OPHN1: variants seen among roughly 807,000 people sequenced by gnomAD.
OPHN1 encodes oligophrenin-1.
Under a neutral mutation model 60.7 loss-of-function variants are expected in OPHN1, and 11 were observed. That is an observed-to-expected ratio of 0.18 (90% CI 0.11 to 0.30). The LOEUF is 0.30. Among genes scored for constraint, OPHN1 ranks in the 10% least tolerant of loss-of-function variants. The probability of loss-of-function intolerance (pLI) is 1.00; values close to 1 mark genes in which losing one functional copy is unlikely to be tolerated. For missense variants in OPHN1, 449 were observed against 611.0 expected, an observed-to-expected ratio of 0.73 and a Z score of 2.80; for synonymous variants, 226 against 222.6, an observed-to-expected ratio of 1.02 and a Z score of -0.14.
At chrX:68,344,102 A>G (rs1245014310) in intron 2 of OPHN1, among the ~76,000 whole-genome samples, 2 of 111,972 alleles carry the variant, frequency 1.8e-5, no homozygotes, top group African/African-American at 3.2e-5. Context: ...GAACTATCCA[A>G]AGGTGTTGTC....
At chrX:68,171,344 G>A (rs1210769925) in intron 15 of OPHN1, among the ~76,000 whole-genome samples, 1 of 111,606 alleles carries the variant, frequency 9.0e-6, no homozygotes, top group Non-Finnish European at 1.9e-5. Flanking sequence ...AAGAGAAAAT[G>A]AAAAGGTCAG....
At chrX:68,363,195 T>G (rs1362659642) in intron 2 of OPHN1, among the ~76,000 whole-genome samples, 2 of 110,417 alleles carry the variant, frequency 1.8e-5, no homozygotes, top group African/African-American at 6.6e-5. Flanking sequence ...TACAGTGAGC[T>G]GAGATCACAC....
At chrX:68,093,613 T>C (rs1255891945) in intron 19 of OPHN1, among the ~76,000 whole-genome samples, 1 of 111,614 alleles carries the variant, frequency 9.0e-6, no homozygotes, top group Middle Eastern at 4.2e-3. Context: ...TTTTTAACGT[T>C]ACCTATTCTA....
intron 2 of OPHN1, among the ~76,000 whole-genome samples, chrX:68,376,000 CT>C (rs773127960): frequency 5.4e-5 from 6 of 111,657 alleles, no homozygotes; most frequent in South Asian, 3.8e-4. Context: ...TAGCCTCCCC[CT>C]GATCTGCTCT....
At chrX:68,091,518 G>A (rs2077018145) in intron 19 of OPHN1, among the ~76,000 whole-genome samples, 1 of 111,367 alleles carries the variant, frequency 9.0e-6, no homozygotes, top group Non-Finnish European at 1.9e-5. Context: ...TGGAGCTGCA[G>A]AAATGCAAAC....
chrX:68,070,813 C>T, intron 20 of OPHN1: 1 of 1,171,400 alleles, frequency 8.5e-7, no homozygotes, highest in Non-Finnish European at 1.2e-6. Context: ...ATACTTCTTG[C>T]TGCTTTCAGG....
chrX:68,111,999 G>T, intron 17 of OPHN1, 40 bp from the exon 18 acceptor site: 1 of 976,648 alleles, frequency 1.0e-6, no homozygotes, highest in Non-Finnish European at 1.5e-6. Context: ...TTGGCTTTCT[G>T]GGCAACTGGA....
intron 15 of OPHN1, among the ~76,000 whole-genome samples, chrX:68,127,948 G>T (rs989551907): frequency 9.9e-5 from 11 of 110,768 alleles, no homozygotes; most frequent in African/African-American, 3.3e-4. Context: ...ATTTTAAAAA[G>T]AAACAAAAAC....
chrX:68,121,431 C>G (rs1005890139), intron 15 of OPHN1, among the ~76,000 whole-genome samples: 1 of 111,833 alleles, frequency 8.9e-6, no homozygotes, highest in African/African-American at 3.2e-5. Flanking sequence ...GAACTCCGTG[C>G]TACCCTGTCA....
intron 5 of OPHN1, among the ~76,000 whole-genome samples, chrX:68,239,963 C>T (rs755421703): frequency 5.5e-4 from 61 of 111,389 alleles, no homozygotes; most frequent in Non-Finnish European, 3.8e-5. Flanking sequence ...GCACCAGCCA[C>T]CATGTCTGGC....
intron 2 of OPHN1, among the ~76,000 whole-genome samples, chrX:68,323,629 C>T (rs1449851152): frequency 1.8e-5 from 2 of 111,625 alleles, no homozygotes; most frequent in African/African-American, 6.5e-5. Flanking sequence ...TAGAACAGTA[C>T]ACAGAACACA....
intron 21 of OPHN1, among the ~76,000 whole-genome samples, chrX:68,059,829 C>T (rs1451094136): frequency 9.0e-6 from 1 of 111,255 alleles, no homozygotes; most frequent in Non-Finnish European, 1.9e-5. Context: ...CCATGGTGTG[C>T]TCTTCACTTT....
At chrX:68,088,010 T>G (rs1398516399) in intron 19 of OPHN1, among the ~76,000 whole-genome samples, 1 of 111,855 alleles carries the variant, frequency 8.9e-6, no homozygotes, top group Non-Finnish European at 1.9e-5. Flanking sequence ...TAAGGCTGTC[T>G]TTGGTCTCAG....
At position 68,329,937 on chromosome X, in the gene OPHN1, C is replaced by T. The variant is rs748850591; in HGVS notation, c.155-30841G>A. ...CAAGTTATGCTTTATATTGAGAACA[C>T]ATATGTAAATGGATCATATATTCTT... On this transcript the variant is annotated intron_variant, in intron 2 of 24. Coordinates refer to ENST00000355520, the MANE Select transcript of OPHN1 (RefSeq NM_002547.3). Among the ~76,000 whole-genome samples, 5 of 111,877 alleles carry T rather than the reference C, an allele frequency of 4.5e-5. No individual in the cohort carries two copies. In the East Asian group the frequency reaches 1.4e-3, roughly 31 times the overall value.
At position 68,073,068 on chromosome X, in the gene OPHN1, T is replaced by C. The variant is rs943317542; in HGVS notation, c.1834+84A>G. On this transcript the variant is annotated intron_variant, in intron 20 of 24. Transcript: ENST00000355520. Reference sequence around the variant, plus strand: ...AGGTCTACTTTTATAGAGAGAAAAATGGTCATGCCACCGCTTCTGCCCTTC... The same window carrying C: ...AGGTCTACTTTTATAGAGAGAAAAACGGTCATGCCACCGCTTCTGCCCTTC... The C allele has an allele frequency of 2.0e-4, 212 of 1,043,537 alleles. 1 individual carries two copies. The highest frequency in any genetic ancestry group is 1.1e-3 in the Middle Eastern group (4 of 3,790). The allele number at this position is 1,043,537 out of a possible 1,213,427, so 86.0% of individuals were successfully genotyped here. A position where few individuals can be genotyped will look rare whatever the true frequency, so the allele number is the denominator to read the frequency against.
At chrX:68,307,564 A>G (rs1362531242) in intron 2 of OPHN1, among the ~76,000 whole-genome samples, 1 of 111,141 alleles carries the variant, frequency 9.0e-6, no homozygotes, top group Admixed American at 9.6e-5. Context: ...TAACCTATAG[A>G]AAATTGTTCT....
At chrX:68,360,748 A>C (rs904422553) in intron 2 of OPHN1, among the ~76,000 whole-genome samples, 13 of 110,977 alleles carry the variant, frequency 1.2e-4, no homozygotes, top group African/African-American at 4.3e-4. Flanking sequence ...ATGCCACTGC[A>C]CTCTAGCCTG....
intron 6 of OPHN1, among the ~76,000 whole-genome samples, chrX:68,215,463 A>C (rs1264659650): frequency 8.9e-6 from 1 of 111,798 alleles, no homozygotes; most frequent in Non-Finnish European, 1.9e-5. Flanking sequence ...TATCAAACCC[A>C]CATCCAGAAA....
chrX:68,380,679 C>T (rs1026339460), intron 2 of OPHN1, among the ~76,000 whole-genome samples: 1 of 111,224 alleles, frequency 9.0e-6, no homozygotes, highest in Non-Finnish European at 1.9e-5. Flanking sequence ...GCCTTCATTT[C>T]GTTATGTACC....
Sources: allele counts gnomAD v4.1 joint callset (sites outside exome capture counted in the v4.1 genomes callset), GRCh38; gene constraint gnomAD v4.1.1; transcripts MANE v1.5; gene names NCBI Gene and HGNC (gene_info 2026-07-23, HGNC 2026-07-21).